Variants in C1QTNF2 observed in about 807,000 individuals in gnomAD.
The protein encoded by C1QTNF2 is complement C1q tumor necrosis factor-related protein 2.
In C1QTNF2, 15 loss-of-function variants were observed where a neutral mutation model predicts 17.4. The ratio of observed to expected loss-of-function variants is 0.86; its 90% CI spans 0.58 to 1.33. C1QTNF2 has a LOEUF of 1.33. Among genes scored for constraint, C1QTNF2 ranks in the 40% most tolerant of loss-of-function variants. C1QTNF2 has a pLI of 0.00. For missense variants in C1QTNF2, 381 were observed against 392.3 expected (o/e 0.97, Z 0.24); for synonymous variants, 154 against 163.3 (o/e 0.94, Z 0.44).
At chr5:160,360,228 A>C (rs1764128704) in intron 1 of C1QTNF2, among the ~76,000 whole-genome samples, 1 of 152,180 alleles carries the variant, frequency 6.6e-6, no homozygotes, top group Non-Finnish European at 1.5e-5. Context: ...TCTCCACTAA[A>C]ATGTAAGCTC....
rs1270638322 is a variant in C1QTNF2 at position 160,349,949 on chromosome 5, T to TG, written c.245-169dup. Among the ~76,000 whole-genome samples the TG allele has an allele frequency of 6.6e-6, 1 of 152,226 alleles. No homozygotes were observed. The highest frequency in any genetic ancestry group is 1.5e-5 in the Non-Finnish European group (1 of 68,040). On this transcript the variant is annotated intron_variant, in intron 2 of 2. Coordinates refer to ENST00000652664, the MANE Select transcript of C1QTNF2 (RefSeq NM_031908.6). The surrounding 1 kb of genome is among the most constrained non-coding windows in gnomAD (Gnocchi z 4.3). Reference sequence around the variant, plus strand: ...GGTGTAAATCCTAATGCTAGCTCTCTGGAAAATGGAAATGATGATACTTAC... The same window carrying TG: ...GGTGTAAATCCTAATGCTAGCTCTCTGGGAAAATGGAAATGATGATACTTAC...
chr5:160,349,840 C>A lies in C1QTNF2; in HGVS notation c.245-59G>T. The A allele has an allele frequency of 4.7e-6, 7 of 1,491,606 alleles. No individual in the cohort carries two copies. The highest frequency in any genetic ancestry group is 5.3e-6 in the Non-Finnish European group (6 of 1,129,562). 92.4% of individuals were successfully genotyped at this position (1,491,606 alleles called of 1,614,324 possible). ...CCTCACAGACCTAGGCAGAGGGGTGCGGTGCGGCTTGGTCTTCCAATCTTG... is the reference window on the plus strand; with the variant it reads ...CCTCACAGACCTAGGCAGAGGGGTGAGGTGCGGCTTGGTCTTCCAATCTTG... On this transcript the variant is annotated intron_variant, in intron 2 of 2. Transcript: ENST00000652664. This position sits in a 1 kb window ranked among gnomAD's most constrained non-coding sequence, Gnocchi z 4.3.
rs774952757 is a variant in C1QTNF2, at chr5:160,349,563, C to T, written c.463G>A (p.Ala155Thr). Reference protein sequence around the residue: ...SGHTKSAFSVAVTKSYPRERL... With the variant: ...SGHTKSAFSVTVTKSYPRERL... ...TCCCGTGGGTAGCTCTTGGTCACTG[C>T]CACCGAGAAAGCTGACTTGGTATGG... Residue 155 changes from alanine to threonine, a missense_variant, in exon 3 of 3, where the codon GCA becomes ACA. Ala to Thr is a moderately conservative substitution (Grantham distance 58). Transcript: ENST00000652664. This position sits in a 1 kb window ranked among gnomAD's most constrained non-coding sequence, Gnocchi z 4.3. 1.2e-6 allele frequency: 2 copies of T among 1,613,630 alleles called. No individual in the cohort carries two copies. Among genetic ancestry groups the T allele is most frequent in the Non-Finnish European group, 1.7e-6 (2 of 1,180,010 alleles).
chr5:160,364,049 AG>A (rs1764203871), intron 1 of C1QTNF2, among the ~76,000 whole-genome samples: 1 of 152,252 alleles, frequency 6.6e-6, no homozygotes, highest in African/African-American at 2.4e-5. Context: ...AAAAAGAAAC[AG>A]GTGAAATTAA....
At position 160,354,898 on chromosome 5, in the gene C1QTNF2, C is replaced by G; in HGVS notation, c.114G>C (p.Leu38=). The stretch of plus-strand genomic sequence containing the variant: ...GGCCGGGTGGGCCCTGGGGGCCAGG[C>G]AGGCTGCAGACCAGTTGAGGGGAGC... ...RKGSPQLVCS[L]PGPQGPPGPP... is the part of the protein sequence containing the mutation. The change falls in exon 2 of 3, where the codon CTG becomes CTC. Residue 38 remains leucine (L), a synonymous_variant. Coordinates refer to ENST00000652664, the MANE Select transcript of C1QTNF2 (RefSeq NM_031908.6). 1.2e-6 allele frequency: 2 copies of G among 1,603,572 alleles called. No individual in the cohort carries two copies. The highest frequency in any genetic ancestry group is 1.7e-6 in the Non-Finnish European group (2 of 1,175,446).
chr5:160,362,601 C>T (rs6870320), intron 1 of C1QTNF2, among the ~76,000 whole-genome samples: 61,654 of 151,942 alleles, frequency 0.41, 12,616 homozygotes, highest in African/African-American at 0.46. Flanking sequence ...TGGCTGGGGT[C>T]GAGGTCCCAC....
Position 160,349,421 on chromosome 5 carries a change from G to A in C1QTNF2, c.605C>T (p.Thr202Met), listed in dbSNP as rs767332034. 1.4e-5 allele frequency: 22 copies of A among 1,613,902 alleles called. No homozygotes were observed. The highest frequency in any genetic ancestry group is 1.6e-5 in the Non-Finnish European group (19 of 1,180,028). ...PGIYYFTYDI[T>M]LANKHLAIGL... ...GATGGCCAGGTGCTTGTTGGCCAGC[G>A]TGATGTCGTAGGTGAAGTAGTAGAT... Residue 202 changes from threonine to methionine, a missense_variant, in exon 3 of 3, where the codon ACG (threonine) becomes ATG (methionine). Physicochemically the swap from Thr to Met is moderately conservative, Grantham distance 81. Coordinates refer to ENST00000652664, the MANE Select transcript of C1QTNF2 (RefSeq NM_031908.6). This position sits in a 1 kb window ranked among gnomAD's most constrained non-coding sequence, Gnocchi z 4.3.
intron 1 of C1QTNF2, among the ~76,000 whole-genome samples, chr5:160,356,914 CAG>C (rs1764061546): frequency 6.6e-6 from 1 of 152,132 alleles, no homozygotes; most frequent in Non-Finnish European, 1.5e-5. Flanking sequence ...ACCCTGGAAA[CAG>C]ATGCTGAGGG....
At chr5:160,354,223 C>T (rs1763981872) in intron 2 of C1QTNF2, among the ~76,000 whole-genome samples, 1 of 152,078 alleles carries the variant, frequency 6.6e-6, no homozygotes, top group South Asian at 2.1e-4. Flanking sequence ...AGTCACTTAG[C>T]AACCCAAAGG....
At chr5:160,355,567 C>A (rs1764032264) in intron 1 of C1QTNF2, among the ~76,000 whole-genome samples, 1 of 152,166 alleles carries the variant, frequency 6.6e-6, no homozygotes, top group South Asian at 2.1e-4. Context: ...CAGCTCCTCC[C>A]CCAAGCGCTT....
chr5:160,366,275 C>T (rs567674933), intron 1 of C1QTNF2, among the ~76,000 whole-genome samples: 30 of 152,276 alleles, frequency 2.0e-4, no homozygotes, highest in African/African-American at 7.0e-4. Flanking sequence ...TTTAGGAATG[C>T]CTCCCTTGAG....
rs183151659 is a variant in C1QTNF2 at position 160,356,889 on chromosome 5, C to G, written c.-9-1869G>C. ...GCTGACCATACCTCTCCTCCTGCCC[C>G]CTCCAGGATCTTTAACCCTGGAAAC... On this transcript the variant is annotated intron_variant, in intron 1 of 2. Transcript: ENST00000652664. Among the ~76,000 whole-genome samples the G allele has an allele frequency of 1.5e-3, 225 of 152,316 alleles. 1 individual carries two copies. The highest frequency in any genetic ancestry group is 1.5e-3 in the Non-Finnish European group (103 of 68,034).
intron 1 of C1QTNF2, among the ~76,000 whole-genome samples, chr5:160,369,289 A>T (rs1340196094): frequency 6.6e-6 from 1 of 152,090 alleles, no homozygotes; most frequent in Non-Finnish European, 1.5e-5. Flanking sequence ...AGGTTTAAGG[A>T]TTGGAAGACT....
At chr5:160,350,458 C>T (rs1763896623) in intron 2 of C1QTNF2, among the ~76,000 whole-genome samples, 2 of 152,162 alleles carry the variant, frequency 1.3e-5, no homozygotes, top group African/African-American at 4.8e-5. Context: ...AATCCCAGCA[C>T]TTTGGGAAGC....
intron 1 of C1QTNF2, among the ~76,000 whole-genome samples, chr5:160,357,856 C>T (rs895820647): frequency 9.3e-5 from 14 of 150,516 alleles, no homozygotes; most frequent in Non-Finnish European, 1.8e-4. Context: ...GCCAGCCGGA[C>T]GAGAGAGAGG....
Position 160,349,201 on chromosome 5 carries a change from G to C in C1QTNF2, c.825C>G (p.Ile275Met), listed in dbSNP as rs1407939861. 1.2e-6 allele frequency: 2 copies of C among 1,613,912 alleles called. No homozygotes were observed. The highest frequency in any genetic ancestry group is 1.1e-5 in the South Asian group (1 of 91,078). ...WTDSLFTGFL[I>M]YADQDDPNEV ...CGTTGGGGTCATCCTGGTCGGCATA[G>C]ATTAGGAAGCCCGTAAAGAGGCTGT... The change falls in exon 3 of 3, where the codon ATC becomes ATG. Residue 275 changes from isoleucine to methionine, a missense_variant. Ile to Met is a conservative substitution (Grantham distance 10). Coordinates refer to ENST00000652664, the MANE Select transcript of C1QTNF2 (RefSeq NM_031908.6). This position sits in a 1 kb window ranked among gnomAD's most constrained non-coding sequence, Gnocchi z 4.3.
chr5:160,356,125 A>T (rs191158552), intron 1 of C1QTNF2, among the ~76,000 whole-genome samples: 1 of 152,384 alleles, frequency 6.6e-6, no homozygotes, highest in East Asian at 1.9e-4. Context: ...GACCCAGAGC[A>T]GAAATAAGCA....
chr5:160,367,738 G>C lies in C1QTNF2; in HGVS notation c.-10+2774C>G, dbSNP rs139094139. 3.5e-3 allele frequency among the ~76,000 whole-genome samples: 530 copies of C among 152,310 alleles called. 5 individuals carry two copies. The highest frequency in any genetic ancestry group is 0.012 in the African/African-American group (484 of 41,568). On this transcript the variant is annotated intron_variant, in intron 1 of 2. Coordinates refer to ENST00000652664, the MANE Select transcript of C1QTNF2 (RefSeq NM_031908.6). The stretch of plus-strand genomic sequence containing the variant: ...GGTGCCCCACGCTGACTAGGACAGA[G>C]AGCCTGTGTTCTACAGTGTCCACAG...
chr5:160,361,380 AG>A (rs1382191807), intron 1 of C1QTNF2, among the ~76,000 whole-genome samples: 2 of 152,212 alleles, frequency 1.3e-5, no homozygotes, highest in Non-Finnish European at 2.9e-5. Flanking sequence ...TAGTAGTAGA[AG>A]CTCCAGGAAT....
Sources: allele counts gnomAD v4.1 joint callset (sites outside exome capture counted in the v4.1 genomes callset), GRCh38; gene constraint gnomAD v4.1.1; non-coding constraint Gnocchi (gnomAD v3.1); transcripts MANE v1.5; gene names NCBI Gene and HGNC (gene_info 2026-07-23, HGNC 2026-07-21).